The following HOOK1 variants were observed in gnomAD, a reference collection of about 807,000 sequenced individuals.
HOOK1 encodes protein Hook homolog 1.
Under a neutral mutation model 112.8 loss-of-function variants are expected in HOOK1, and 60 were observed. The observed-to-expected ratio is 0.53, with a 90% CI of 0.43 to 0.66. The LOEUF is 0.66. Among genes scored for constraint, HOOK1 ranks in the 30% least tolerant of loss-of-function variants. HOOK1 has a pLI of 0.00. For synonymous variants in HOOK1, 294 were observed against 283.8 expected (o/e 1.04, Z -0.36); for missense variants, 770 against 856.0 (o/e 0.90, Z 1.25).
At chr1:59,836,830 A>T (rs749007986) in intron 6 of HOOK1, 43 bp from the exon 7 acceptor site, 2 of 1,082,636 alleles carry the variant, frequency 1.8e-6, no homozygotes, top group African/African-American at 3.2e-5. Flanking sequence ...TACTTCATAA[A>T]CATCACATTG....
chr1:59,834,548 T>C (rs1179284524), intron 5 of HOOK1, among the ~76,000 whole-genome samples: 1 of 152,144 alleles, frequency 6.6e-6, no homozygotes, highest in African/African-American at 2.4e-5. Context: ...AAGATCTGTA[T>C]ATTGGGTTTT....
chr1:59,869,876 A>T (rs1341561492), intron 20 of HOOK1, among the ~76,000 whole-genome samples: 1 of 152,196 alleles, frequency 6.6e-6, no homozygotes, highest in African/African-American at 2.4e-5. Flanking sequence ...CTCCACACTG[A>T]GTCCATGTAC....
intron 12 of HOOK1, among the ~76,000 whole-genome samples, chr1:59,854,873 T>C (rs1304819192): frequency 6.6e-6 from 1 of 152,232 alleles, no homozygotes; most frequent in Non-Finnish European, 1.5e-5. Context: ...TGAAATATTA[T>C]ATTATTTAAA....
chr1:59,848,563 C>G, intron 11 of HOOK1, 47 bp downstream of exon 11: 1 of 1,328,150 alleles, frequency 7.5e-7, no homozygotes, highest in Non-Finnish European at 1.1e-6. Flanking sequence ...AAGAGTTTAA[C>G]TTTGTTATTC....
chr1:59,844,971 A>G (rs1271397796), intron 9 of HOOK1, among the ~76,000 whole-genome samples: 2 of 151,960 alleles, frequency 1.3e-5, no homozygotes, highest in African/African-American at 4.8e-5. Flanking sequence ...AAATTCACTT[A>G]TTGAGCTGGT....
chr1:59,843,092 A>G (rs949799719), intron 8 of HOOK1, among the ~76,000 whole-genome samples: 6 of 151,926 alleles, frequency 3.9e-5, no homozygotes, highest in Non-Finnish European at 4.4e-5. Context: ...TTTATACCTA[A>G]AAGAGGAGAC....
At chr1:59,863,768 T>A in intron 16 of HOOK1, 2 of 705,428 alleles carry the variant, frequency 2.8e-6, no homozygotes, top group Non-Finnish European at 3.5e-6. Context: ...TTTCTTTCTG[T>A]CTTTTATGTG....
At chr1:59,847,251 A>G in intron 10 of HOOK1, 66 bp downstream of exon 10, 3 of 1,343,156 alleles carry the variant, frequency 2.2e-6, no homozygotes, top group Admixed American at 4.4e-5. Flanking sequence ...TGAGTATTTC[A>G]TATTTTAATC....
intron 7 of HOOK1, among the ~76,000 whole-genome samples, chr1:59,839,057 A>G (rs1027808548): frequency 3.9e-5 from 6 of 152,086 alleles, no homozygotes; most frequent in African/African-American, 1.2e-4. Context: ...ATTGGTCTAT[A>G]TATCTGTTTT....
At chr1:59,856,672 T>C (rs1174563504) in intron 12 of HOOK1, among the ~76,000 whole-genome samples, 1 of 152,156 alleles carries the variant, frequency 6.6e-6, no homozygotes, top group Non-Finnish European at 1.5e-5. Flanking sequence ...ATTCTTTATG[T>C]TGTGTAGCCA....
At chr1:59,835,074 T>C (rs1002150536) in intron 5 of HOOK1, among the ~76,000 whole-genome samples, 4 of 152,200 alleles carry the variant, frequency 2.6e-5, no homozygotes, top group African/African-American at 9.6e-5. Flanking sequence ...TTAAAAGCTT[T>C]CACACTTTTG....
intron 14 of HOOK1, among the ~76,000 whole-genome samples, chr1:59,859,961 C>T (rs1332357285): frequency 1.3e-5 from 2 of 151,690 alleles, no homozygotes; most frequent in Non-Finnish European, 2.9e-5. Context: ...AATTTGACTG[C>T]TTTTTTTTAA....
At chr1:59,844,683 G>A (rs2102037674) in intron 9 of HOOK1, among the ~76,000 whole-genome samples, 1 of 151,996 alleles carries the variant, frequency 6.6e-6, no homozygotes, top group African/African-American at 2.4e-5. Flanking sequence ...TAACTATATA[G>A]AGAATTCCTA....
chr1:59,818,842 T>G (rs891218997), intron 1 of HOOK1, among the ~76,000 whole-genome samples: 1 of 152,100 alleles, frequency 6.6e-6, no homozygotes, highest in African/African-American at 2.4e-5. Flanking sequence ...AATATGAAAA[T>G]AAAGTTGATC....
chr1:59,854,807 T>C (rs2098409636), intron 12 of HOOK1, among the ~76,000 whole-genome samples: 1 of 152,240 alleles, frequency 6.6e-6, no homozygotes, highest in Non-Finnish European at 1.5e-5. Flanking sequence ...ATTTGTTGAA[T>C]TTCTTAGAAC....
chr1:59,864,120 A>T (rs993701533), intron 16 of HOOK1, among the ~76,000 whole-genome samples: 1 of 151,912 alleles, frequency 6.6e-6, no homozygotes, highest in African/African-American at 2.4e-5. Flanking sequence ...TATGTTTAAA[A>T]TTTTGCTTTT....
rs191681480 is a variant in HOOK1, at chr1:59,829,722, A to G, written c.222+870A>G. 4.9e-3 allele frequency among the ~76,000 whole-genome samples: 751 copies of G among 152,106 alleles called. 5 individuals carry two copies. The highest frequency in any genetic ancestry group is 8.6e-3 in the Admixed American group (132 of 15,302). On this transcript the variant is annotated intron_variant, in intron 3 of 21. Coordinates refer to ENST00000371208, the MANE Select transcript of HOOK1 (RefSeq NM_015888.6). ...TTACTTATTTATTTTTTAAAGAATT[A>G]GTGTATGTTTTCTATTCCATTGATT...
Position 59,858,593 on chromosome 1 carries a change from A to G in HOOK1, c.1330+78A>G, listed in dbSNP as rs950475069. ...CCATTCAACAAAAAATAAAAACTTA[A>G]CCTGTCATGGTGGCGCATGCCTATA... On this transcript the variant is annotated intron_variant, in intron 13 of 21. Transcript: ENST00000371208. 2.1e-5 allele frequency: 20 copies of G among 947,588 alleles called. 2 individuals are homozygous for G. The South Asian group carries it at 2.6e-4, about 13-fold the overall frequency. The allele number at this position is 947,588 out of a possible 1,614,324, so 58.7% of individuals were successfully genotyped here.
chr1:59,857,351 A>G (rs1345502884), intron 12 of HOOK1, among the ~76,000 whole-genome samples: 1 of 152,204 alleles, frequency 6.6e-6, no homozygotes, highest in Non-Finnish European at 1.5e-5. Flanking sequence ...GGAGACGGGA[A>G]TCATAGTTAG....
Sources: allele counts gnomAD v4.1 joint callset (sites outside exome capture counted in the v4.1 genomes callset), GRCh38; gene constraint gnomAD v4.1.1; transcripts MANE v1.5; gene names NCBI Gene and HGNC (gene_info 2026-07-23, HGNC 2026-07-21).